Variants in BABAM2 observed in about 807,000 individuals in gnomAD.
BABAM2 encodes BRISC and BRCA1-A complex member 2.
In BABAM2, 31 loss-of-function variants were observed where a neutral mutation model predicts 54.7. The observed-to-expected ratio is 0.57, with a 90% CI of 0.43 to 0.77. BABAM2 has a LOEUF of 0.77. Among genes scored for constraint, BABAM2 ranks in the 30% least tolerant of loss-of-function variants. The probability of loss-of-function intolerance (pLI) is 0.00; values close to 1 mark genes in which losing one functional copy is unlikely to be tolerated. For synonymous variants in BABAM2, 167 were observed against 162.9 expected (o/e 1.03, Z -0.19); for missense variants, 364 against 455.8 (o/e 0.80, Z 1.83).
rs34597279 is a variant in BABAM2, at chr2:28,250,584, C to CTTTTTT, written c.934+5727_934+5732dup. Among the ~76,000 whole-genome samples the CTTTTTT allele has an allele frequency of 1.9e-3, 265 of 136,530 alleles. 2 individuals are homozygous for CTTTTTT. Among genetic ancestry groups the CTTTTTT allele is most frequent in the Middle Eastern group, 7.7e-3 (2 of 260 alleles). The allele number at this position is 136,530 out of a possible 152,430, so 89.6% of individuals were successfully genotyped here. On this transcript the variant is annotated intron_variant, in intron 10 of 11. Transcript: ENST00000379624. ...TATAAACAATCATATATATTTTTTT[C>CTTTTTT]TTTTTTTTTTGTTTGTTTGTTTGTT...
intron 6 of BABAM2, among the ~76,000 whole-genome samples, chr2:28,123,330 CGT>C (rs1468869738): frequency 6.6e-6 from 1 of 152,148 alleles, no homozygotes; most frequent in Non-Finnish European, 1.5e-5. Context: ...CTTTACCGTA[CGT>C]GTGTCAGTGC....
intron 7 of BABAM2, among the ~76,000 whole-genome samples, chr2:28,176,689 A>G (rs1331286879): frequency 6.6e-6 from 1 of 151,056 alleles, no homozygotes; most frequent in Non-Finnish European, 1.5e-5. Flanking sequence ...AAAGAGATAG[A>G]TATCCTTAAA....
intron 4 of BABAM2, chr2:28,016,169 AAGATGAATACTTACC>A (rs1674796148): frequency 7.9e-7 from 1 of 1,262,930 alleles, no homozygotes; most frequent in Non-Finnish European, 1.1e-6. Context: ...GATGAAGAAG[AAGATGAATACTTACC>A]AGATTTCTTC....
At chr2:27,999,630 T>A (rs1673436747) in intron 4 of BABAM2, among the ~76,000 whole-genome samples, 1 of 152,260 alleles carries the variant, frequency 6.6e-6, no homozygotes, top group South Asian at 2.1e-4. Context: ...AACCAAGACG[T>A]TGAAACTTTT....
intron 3 of BABAM2, among the ~76,000 whole-genome samples, chr2:27,944,890 G>T (rs1669183353): frequency 6.6e-6 from 1 of 151,656 alleles, no homozygotes; most frequent in South Asian, 2.1e-4. Context: ...ATTTGGTATT[G>T]TTGATCCATT....
At chr2:28,212,313 T>C (rs1191461596) in intron 7 of BABAM2, among the ~76,000 whole-genome samples, 1 of 152,254 alleles carries the variant, frequency 6.6e-6, no homozygotes, top group Non-Finnish European at 1.5e-5. Context: ...TTCATTGGGC[T>C]ATGCTTTGTT....
intron 3 of BABAM2, among the ~76,000 whole-genome samples, chr2:27,980,028 A>G (rs1671889550): frequency 6.6e-6 from 1 of 152,182 alleles, no homozygotes; most frequent in Non-Finnish European, 1.5e-5. Context: ...TCATATTATA[A>G]AGCACTGTTG....
intron 7 of BABAM2, among the ~76,000 whole-genome samples, chr2:28,160,974 G>A (rs10165930): frequency 0.22 from 33,313 of 151,960 alleles, 3,891 homozygotes; most frequent in South Asian, 0.43. Context: ...GGAGACTACC[G>A]CAGAGTTAAA....
intron 3 of BABAM2, among the ~76,000 whole-genome samples, chr2:27,933,479 G>A (rs1435139595): frequency 2.0e-5 from 3 of 151,152 alleles, no homozygotes; most frequent in East Asian, 1.9e-4. Flanking sequence ...ACATATATAT[G>A]TATGTATATA....
intron 2 of BABAM2, among the ~76,000 whole-genome samples, chr2:27,921,266 A>G (rs1210231517): frequency 6.6e-6 from 1 of 152,186 alleles, no homozygotes; most frequent in Admixed American, 6.5e-5. Flanking sequence ...TATTACTGAT[A>G]AATAATTTTC....
chr2:28,003,241 A>G (rs997455291), intron 4 of BABAM2, among the ~76,000 whole-genome samples: 18 of 152,200 alleles, frequency 1.2e-4, no homozygotes, highest in Non-Finnish European at 1.2e-4. Context: ...CCTGCTTTCT[A>G]CATTTCTCTT....
At chr2:28,308,116 C>T (rs1470719299) in intron 11 of BABAM2, 4 of 272,242 alleles carry the variant, frequency 1.5e-5, no homozygotes, top group Admixed American at 7.7e-5. Flanking sequence ...ACACAGCTGG[C>T]TTCTAGAGGA....
intron 10 of BABAM2, among the ~76,000 whole-genome samples, chr2:28,272,065 G>C (rs1388867931): frequency 6.6e-6 from 1 of 152,134 alleles, no homozygotes; most frequent in Non-Finnish European, 1.5e-5. Flanking sequence ...GAATTCTTTT[G>C]GGAAAGCATC....
intron 11 of BABAM2, among the ~76,000 whole-genome samples, 198 bp downstream of exon 11, chr2:28,298,689 T>C (rs1687887476): frequency 6.6e-6 from 1 of 152,236 alleles, no homozygotes; most frequent in East Asian, 1.9e-4. Flanking sequence ...GAGTGAGTAG[T>C]TGCAACAGAG....
intron 11 of BABAM2, among the ~76,000 whole-genome samples, chr2:28,331,489 A>C (rs976690579): frequency 6.6e-6 from 1 of 152,226 alleles, no homozygotes; most frequent in African/African-American, 2.4e-5. Context: ...AAACAACTCC[A>C]TTAAAAAGTG....
At chr2:28,142,739 C>T (rs1315071176) in intron 7 of BABAM2, among the ~76,000 whole-genome samples, 2 of 151,896 alleles carry the variant, frequency 1.3e-5, no homozygotes, top group Non-Finnish European at 2.9e-5. Context: ...TTAACTTTGT[C>T]AGAGTTTAGC....
At chr2:27,930,741 CAGCCCTCT>C (rs1454679780) in intron 3 of BABAM2, among the ~76,000 whole-genome samples, 7 of 152,192 alleles carry the variant, frequency 4.6e-5, no homozygotes, top group Non-Finnish European at 8.8e-5. Flanking sequence ...TCAGCTACAG[CAGCCCTCT>C]AGACTGTATC....
At chr2:28,211,676 A>G (rs1477909346) in intron 7 of BABAM2, among the ~76,000 whole-genome samples, 2 of 152,120 alleles carry the variant, frequency 1.3e-5, no homozygotes. Flanking sequence ...GGCATGAGCC[A>G]TTGTGCCCGG....
chr2:28,053,118 T>C (rs1287347341), intron 6 of BABAM2, among the ~76,000 whole-genome samples: 2 of 152,202 alleles, frequency 1.3e-5, no homozygotes, highest in African/African-American at 4.8e-5. Context: ...TCAGCACATG[T>C]AAGATAGAAA....
Sources: gnomAD v4.1 joint callset for allele counts (sites outside exome capture counted in the v4.1 genomes callset) on GRCh38, gnomAD v4.1.1 for gene constraint, MANE v1.5 for transcripts, NCBI Gene and HGNC (gene_info 2026-07-23, HGNC 2026-07-21) for gene names.